PAK1: variants seen among roughly 807,000 people sequenced by gnomAD.
The protein encoded by PAK1 is serine/threonine-protein kinase PAK 1.
PAK1 carries 29 observed loss-of-function variants against 67.4 expected under a neutral mutation model. That is an observed-to-expected ratio of 0.43 (90% confidence interval 0.32 to 0.59). The LOEUF is 0.59. PAK1 is among the 20% of genes least tolerant of loss of function. The probability of loss-of-function intolerance (pLI) is 0.07; values close to 1 mark genes in which losing one functional copy is unlikely to be tolerated. For missense variants in PAK1, 337 were observed against 670.7 expected (o/e 0.50, Z 5.50); for synonymous variants, 223 against 237.4 (o/e 0.94, Z 0.56).
intron 14 of PAK1, chr11:77,325,303 C>T (rs199821585): frequency 1.2e-6 from 2 of 1,613,702 alleles, no homozygotes; most frequent in Non-Finnish European, 1.7e-6. Context: ...GCCAAACAGG[C>T]TGAAATCCTG....
intron 5 of PAK1, among the ~76,000 whole-genome samples, chr11:77,361,110 T>C (rs1485182906): frequency 6.6e-6 from 1 of 152,214 alleles, no homozygotes; most frequent in Non-Finnish European, 1.5e-5. Flanking sequence ...CCTGGTTCTA[T>C]GACTTACATT....
intron 4 of PAK1, among the ~76,000 whole-genome samples, chr11:77,375,110 G>C (rs1000861150): frequency 6.6e-6 from 1 of 152,116 alleles, no homozygotes; most frequent in African/African-American, 2.4e-5. Flanking sequence ...TTGTATATGC[G>C]GTCTGTTGTT....
chr11:77,491,182 T>A, the PAK1 span, among the ~76,000 whole-genome samples: 6 of 138,178 alleles, frequency 4.3e-5, no homozygotes, highest in African/African-American at 1.3e-4. Flanking sequence ...ATCCTATGTT[T>A]AAAAAAAAAA....
the PAK1 span, among the ~76,000 whole-genome samples, chr11:77,503,709 T>C: frequency 1.1e-4 from 16 of 152,190 alleles, no homozygotes; most frequent in Non-Finnish European, 1.8e-4. Flanking sequence ...TAAAAAAAGT[T>C]TAAAAATTTT....
At chr11:77,444,703 G>C (rs879405865) in intron 1 of PAK1, among the ~76,000 whole-genome samples, 1 of 152,138 alleles carries the variant, frequency 6.6e-6, no homozygotes, top group Non-Finnish European at 1.5e-5. Flanking sequence ...TCTAGAAAAA[G>C]AAAAGCTGCC....
chr11:77,380,968 C>T (rs1371131496), intron 2 of PAK1, among the ~76,000 whole-genome samples: 1 of 152,164 alleles, frequency 6.6e-6, no homozygotes, highest in Non-Finnish European at 1.5e-5. Context: ...CACCTGTGAA[C>T]CTTATTTTAA....
At chr11:77,445,796 C>A (rs2955076) in intron 1 of PAK1, among the ~76,000 whole-genome samples, 2 of 152,196 alleles carry the variant, frequency 1.3e-5, no homozygotes, top group Non-Finnish European at 2.9e-5. Context: ...TAGTGCAATC[C>A]TGAAGCGGTA....
At chr11:77,368,473 A>C (rs969737015) in intron 5 of PAK1, among the ~76,000 whole-genome samples, 102 of 152,300 alleles carry the variant, frequency 6.7e-4, no homozygotes, top group African/African-American at 2.4e-3. Flanking sequence ...CTACTAGAGG[A>C]TATGCTCCAC....
intron 8 of PAK1, 179 bp downstream of exon 8, chr11:77,353,357 T>C (rs2136460069): frequency 1.8e-6 from 1 of 556,524 alleles, no homozygotes; most frequent in Non-Finnish European, 3.2e-6. Context: ...ATCTCTCTCA[T>C]ATTAAGCATA....
At chr11:77,515,749 G>A in the PAK1 span, among the ~76,000 whole-genome samples, 1 of 152,140 alleles carries the variant, frequency 6.6e-6, no homozygotes, top group Admixed American at 6.5e-5. Flanking sequence ...CTCCCAAAGG[G>A]GATGTTTACA....
chr11:77,393,497 A>G (rs775069787), intron 1 of PAK1, among the ~76,000 whole-genome samples: 5 of 151,968 alleles, frequency 3.3e-5, no homozygotes, highest in African/African-American at 7.3e-5. Context: ...GAGTCTCCCT[A>G]TGTTGCCCAG....
rs1945933216 is a variant in PAK1, at chr11:77,355,678, C to T, written c.762G>A (p.Leu254=). 6.2e-7 allele frequency: 1 copy of T among 1,612,760 alleles called. No individual in the cohort carries two copies. Among genetic ancestry groups the T allele is most frequent in the South Asian group, 1.1e-5 (1 of 90,992 alleles). The part of the protein sequence containing the change: ...KKPKMSDEEI[L]EKLRSIVSVG... ...CTACAAATTCCTTACGTAATTTCTC[C>T]AAGATCTCCTCATCAGACATTTTAG... The change falls in exon 7 of 15, where the codon TTG becomes TTA. Residue 254 remains leucine (L), a synonymous_variant. Coordinates refer to ENST00000356341, the MANE Select transcript of PAK1 (RefSeq NM_002576.5).
the PAK1 span, among the ~76,000 whole-genome samples, chr11:77,493,392 C>T: frequency 3.3e-5 from 5 of 149,732 alleles, no homozygotes; most frequent in African/African-American, 9.9e-5. Flanking sequence ...GATTCTCGTA[C>T]CTCAGCCTCC....
At chr11:77,492,468 A>C in the PAK1 span, among the ~76,000 whole-genome samples, 25 of 152,004 alleles carry the variant, frequency 1.6e-4, no homozygotes, top group African/African-American at 5.3e-4. Flanking sequence ...AGGAACCCAG[A>C]GAAGAGAGCA....
intron 1 of PAK1, among the ~76,000 whole-genome samples, chr11:77,437,511 C>G (rs1209650528): frequency 6.6e-6 from 1 of 151,984 alleles, no homozygotes; most frequent in Non-Finnish European, 1.5e-5. Context: ...GAATACAGAC[C>G]ACTGGTTCTC....
intron 1 of PAK1, among the ~76,000 whole-genome samples, chr11:77,447,336 T>G (rs1205740650): frequency 6.6e-6 from 1 of 151,722 alleles, no homozygotes; most frequent in Admixed American, 6.6e-5. Flanking sequence ...CTCTGAAAGG[T>G]AGGTTACCAG....
At chr11:77,382,790 G>C (rs928321037) in intron 2 of PAK1, among the ~76,000 whole-genome samples, 14 of 152,160 alleles carry the variant, frequency 9.2e-5, no homozygotes, top group African/African-American at 4.8e-5. Context: ...TTGAGGTCAG[G>C]AGTTCAAGAC....
At chr11:77,494,889 C>T in the PAK1 span, among the ~76,000 whole-genome samples, 2 of 151,996 alleles carry the variant, frequency 1.3e-5, no homozygotes, top group East Asian at 1.9e-4. Context: ...TTAGGCTGGG[C>T]GCGGTGGCTC....
the PAK1 span, among the ~76,000 whole-genome samples, chr11:77,496,826 A>T: frequency 1.3e-5 from 2 of 152,132 alleles, no homozygotes; most frequent in East Asian, 3.9e-4. Context: ...ACAGCTACTC[A>T]GGAGGCTGAG....
Sources: allele counts gnomAD v4.1 joint callset (sites outside exome capture counted in the v4.1 genomes callset), GRCh38; gene constraint gnomAD v4.1.1; transcripts MANE v1.5; gene names NCBI Gene and HGNC (gene_info 2026-07-23, HGNC 2026-07-21).